DSPP: variants seen among roughly 807,000 people sequenced by gnomAD.
DSPP encodes dentin sialophosphoprotein.
DSPP carries 28 observed loss-of-function variants against 29.1 expected under a neutral mutation model. The observed-to-expected ratio is 0.96, with a 90% confidence interval of 0.71 to 1.32. The LOEUF (loss-of-function observed/expected upper bound fraction) is 1.32, where lower values mean the gene tolerates loss of function less well. Among genes scored for constraint, DSPP ranks in the 40% most tolerant of loss-of-function variants. The pLI is 0.00. For missense variants in DSPP, 1,281 were observed against 1,629.9 expected (o/e 0.79, Z 3.69); for synonymous variants, 481 against 503.4 (o/e 0.96, Z 0.60).
chr4:87,616,743 C>T lies in DSPP; in HGVS notation c.*175C>T. On this transcript the variant is annotated 3_prime_UTR_variant, in exon 5 of 5. Coordinates refer to ENST00000651931, the MANE Select transcript of DSPP (RefSeq NM_014208.3). ...ATTCAGAACCAAGACCTAACTCCTG[C>T]AGAGACAGACTCTGAATGCATGACC... The T allele has an allele frequency of 1.0e-6, 1 of 974,266 alleles. No individual in the cohort carries two copies. The highest frequency in any genetic ancestry group is 1.5e-6 in the Non-Finnish European group (1 of 658,084). The allele number at this position is 974,266 out of a possible 1,614,324, so 60.4% of individuals were successfully genotyped here. A position where few individuals can be genotyped will look rare whatever the true frequency, so the allele number is the denominator to read the frequency against.
At position 87,615,781 on chromosome 4, in the gene DSPP, G is replaced by A; in HGVS notation, c.3119G>A (p.Ser1040Asn). Residue 1040 changes from serine (S) to asparagine (N), a missense_variant, in exon 5 of 5, where the codon AGC (serine) becomes AAC (asparagine). Ser to Asn is a conservative substitution (Grantham distance 46). Around this residue, in one of 4 missense-constraint regions of DSPP, gnomAD observed 72 missense variants for 190.3 expected, o/e 0.38. Transcript: ENST00000651931. ...SSDSSDSSDSSDSSDSSDSSD... is the reference protein window; with the variant it reads ...SSDSSDSSDSNDSSDSSDSSD... ...GACAGCAGCGATAGCAGTGACAGCAGCGATAGCAGTGACAGCAGCGATAGC... is the reference window on the plus strand; with the variant it reads ...GACAGCAGCGATAGCAGTGACAGCAACGATAGCAGTGACAGCAGCGATAGC... The A allele has an allele frequency of 6.7e-7, 1 of 1,488,134 alleles. No homozygotes were observed. Among genetic ancestry groups the A allele is most frequent in the Non-Finnish European group, 9.0e-7 (1 of 1,111,618 alleles). 92.2% of individuals were successfully genotyped at this position (1,488,134 alleles called of 1,614,324 possible).
rs1727891755 is a variant in DSPP at position 87,615,793 on chromosome 4, ACAGCAGCGATAGCAGTG to A, written c.3132_3148del (p.Asp1044GlufsTer4). 2 of 1,540,864 alleles carry A rather than the reference ACAGCAGCGATAGCAGTG, an allele frequency of 1.3e-6. No homozygotes were observed. Among genetic ancestry groups the A allele is most frequent in the African/African-American group, 2.8e-5 (2 of 72,298 alleles). ...AGCAGTGACAGCAGCGATAGCAGTG[ACAGCAGCGATAGCAGTG>A]ACAGCAGTGACAGCAGCAATAGCAG... On this transcript the variant is annotated frameshift_variant, in exon 5 of 5. Transcript: ENST00000651931. LOFTEE classifies it low-confidence loss of function (END_TRUNC).
In DSPP at chr4:87,612,333, T is replaced by C. The variant is rs1488225828; in HGVS notation, c.147T>C (p.Asn49=). ...RSNVSVQDEL[N]ASGTIKESGV... ...TGTTTCTTTTTCAGGATGAGTTAAA[T>C]GCCAGTGGAACCATCAAAGAAAGTG... Residue 49 remains asparagine, a synonymous_variant, in exon 4 of 5, where the codon AAT becomes AAC. Coordinates refer to ENST00000651931, the MANE Select transcript of DSPP (RefSeq NM_014208.3). The C allele has an allele frequency of 4.3e-6, 7 of 1,614,114 alleles. No homozygotes were observed. Among genetic ancestry groups the C allele is most frequent in the Non-Finnish European group, 5.9e-6 (7 of 1,179,986 alleles).
rs922580184 is a variant in DSPP at position 87,614,330 on chromosome 4, T to C, written c.1668T>C (p.Asp556=). 3.7e-6 allele frequency: 6 copies of C among 1,609,014 alleles called. No homozygotes were observed. The highest frequency in any genetic ancestry group is 5.1e-6 in the Non-Finnish European group (6 of 1,177,272). The change falls in exon 5 of 5, where the codon GAT becomes GAC. Residue 556 remains aspartate (D), a synonymous_variant. Transcript: ENST00000651931. ...ATAGCAGTGACAGTGATAGTAGTGATAGCAGCAATAGCAGTGATAGTAGTG... is the reference window on the plus strand; with the variant it reads ...ATAGCAGTGACAGTGATAGTAGTGACAGCAGCAATAGCAGTGATAGTAGTG... ...KSDSSDSDSS[D]SSNSSDSSDS... is the part of the protein sequence containing the mutation.
rs185994525 is a variant in DSPP at position 87,610,052 on chromosome 4, G to T, written c.-28-829G>T. ...TATTTATCAACAACATTCAGAAAAC[G>T]TTTTTTTCTGTGCTTTGCATTGGAA... On this transcript the variant is annotated intron_variant, in intron 1 of 4. Transcript: ENST00000651931. Among the ~76,000 whole-genome samples, 524 of 152,186 alleles carry T rather than the reference G, an allele frequency of 3.4e-3. 13 individuals carry two copies. The highest frequency in any genetic ancestry group is 9.7e-4 in the East Asian group (5 of 5,180).
At position 87,610,879 on chromosome 4, in the gene DSPP, A is replaced by G. The variant is rs1246214807; in HGVS notation, c.-28-2A>G. On this transcript the variant is annotated splice_acceptor_variant, in intron 1 of 4. Coordinates refer to ENST00000651931, the MANE Select transcript of DSPP (RefSeq NM_014208.3). LOFTEE classifies it low-confidence loss of function (5UTR_SPLICE). ...ATTTTGTGCTGTTCCTTTTTTATAC[A>G]GCCATTGATTATTATTATTCCTAAA... 1 of 1,583,796 alleles carries G rather than the reference A, an allele frequency of 6.3e-7. No individual in the cohort carries two copies. The highest frequency in any genetic ancestry group is 8.7e-7 in the Non-Finnish European group (1 of 1,152,524).
In DSPP at chr4:87,616,188, GACAGCAGCAATAGCAGTGAT is replaced by G; in HGVS notation, c.3528_3547del (p.Asp1176GlufsTer6). 1.6e-5 allele frequency: 25 copies of G among 1,547,476 alleles called. 3 individuals are homozygous for G. The highest frequency in any genetic ancestry group is 2.1e-5 in the Non-Finnish European group (24 of 1,145,130). On this transcript the variant is annotated frameshift_variant, in exon 5 of 5. Transcript: ENST00000651931. LOFTEE classifies it low-confidence loss of function (END_TRUNC). Reference sequence around the variant, plus strand: ...CAGCAGCGACAGCAGCGATAGCAGTGACAGCAGCAATAGCAGTGATAGCAGCGACAGCAGTGATAGCAGTG... The same window carrying G: ...CAGCAGCGACAGCAGCGATAGCAGTGAGCAGCGACAGCAGTGATAGCAGTG...
Position 87,614,186 on chromosome 4 carries a change from A to C in DSPP, c.1524A>C (p.Lys508Asn). 1 of 1,614,272 alleles carries C rather than the reference A, an allele frequency of 6.2e-7. No individual in the cohort carries two copies. Among genetic ancestry groups the C allele is most frequent in the East Asian group, 2.2e-5 (1 of 44,892 alleles). ...SKDNGNGSDS[K>N]GAEDDDSDST... is the part of the protein sequence containing the mutation. Reference sequence around the variant, plus strand: ...ATAATGGCAATGGCAGTGACTCAAAAGGAGCAGAAGATGATGACAGTGATA... The same window carrying C: ...ATAATGGCAATGGCAGTGACTCAAACGGAGCAGAAGATGATGACAGTGATA... The change falls in exon 5 of 5, where the codon AAA becomes AAC. Residue 508 changes from lysine to asparagine, a missense_variant. Lys to Asn is a moderately conservative substitution (Grantham distance 94). Transcript: ENST00000651931.
rs957297049 is a variant in DSPP at position 87,616,290 on chromosome 4, A to G, written c.3628A>G (p.Ser1210Gly). The G allele has an allele frequency of 3.0e-5, 41 of 1,379,842 alleles. No individual in the cohort carries two copies. The Admixed American group carries it at 7.7e-4, about 26-fold the overall frequency. The allele number at this position is 1,379,842 out of a possible 1,614,324, so 85.5% of individuals were successfully genotyped here. Residue 1210 changes from serine (S) to glycine (G), a missense_variant, in exon 5 of 5, where the codon AGC (serine) becomes GGC (glycine). Around this residue, in one of 4 missense-constraint regions of DSPP, gnomAD observed 134 missense variants for 185.0 expected, o/e 0.72. Coordinates refer to ENST00000651931, the MANE Select transcript of DSPP (RefSeq NM_014208.3). Reference protein sequence around the residue: ...DSSDSSDSSDSSDSSDSSDSS... With the variant: ...DSSDSSDSSDGSDSSDSSDSS... ...CAGCGATAGTAGTGATAGCAGTGAC[A>G]GCAGTGACAGCAGCGACAGCAGTGA... is the stretch of plus-strand genomic sequence containing the variant.
At position 87,614,297 on chromosome 4, in the gene DSPP, T is replaced by A; in HGVS notation, c.1635T>A (p.Gly545=). ...ATGACAAATCAGACAGTGGCAAAGG[T>A]AAATCAGATAGCAGTGACAGTGATA... is the stretch of plus-strand genomic sequence containing the variant. ...DDNDKSDSGK[G]KSDSSDSDSS... The change falls in exon 5 of 5, where the codon GGT becomes GGA. Residue 545 remains glycine, a synonymous_variant. Transcript: ENST00000651931. 1 of 1,613,828 alleles carries A rather than the reference T, an allele frequency of 6.2e-7. No homozygotes were observed. The highest frequency in any genetic ancestry group is 1.1e-5 in the South Asian group (1 of 91,052).
chr4:87,613,802 T>A lies in DSPP; in HGVS notation c.1140T>A (p.Gly380=), dbSNP rs775040962. 6.2e-7 allele frequency: 1 copy of A among 1,614,014 alleles called. No homozygotes were observed. The highest frequency in any genetic ancestry group is 1.7e-5 in the Admixed American group (1 of 60,008). The part of the protein sequence containing the change: ...KSQDKGIEIK[G]PSSGNRNITK... ...TTCCATAGGGAATAGAAATCAAGGG[T>A]CCCAGCAGTGGCAACAGAAATATTA... Residue 380 remains glycine, a synonymous_variant, in exon 5 of 5, where the codon GGT becomes GGA. Transcript: ENST00000651931.
At position 87,612,446 on chromosome 4, in the gene DSPP, AAGT is replaced by A; in HGVS notation, c.263_265del (p.Val88del). On this transcript the variant is annotated inframe_deletion, in exon 4 of 5. Transcript: ENST00000651931. Reference sequence around the variant, plus strand: ...GAAGGGAATGGCTCTAAGTGGGCAGAAGTAGGAGGGAAGAGTTTTTCTACATAT... The same window carrying A: ...GAAGGGAATGGCTCTAAGTGGGCAGAAGGAGGGAAGAGTTTTTCTACATAT... 1 of 1,614,022 alleles carries A rather than the reference AAGT, an allele frequency of 6.2e-7. No homozygotes were observed.
In DSPP at chr4:87,614,371, A is replaced by G. The variant is rs367990493; in HGVS notation, c.1709A>G (p.Asp570Gly). ...SSDSSDSSDS[D>G]SSDSNSSSDS... ...GATAGTAGTGACAGCAGTGACAGTGACAGCAGTGATAGCAACAGTAGCAGT... is the reference window on the plus strand; with the variant it reads ...GATAGTAGTGACAGCAGTGACAGTGGCAGCAGTGATAGCAACAGTAGCAGT... Residue 570 changes from aspartate to glycine, a missense_variant, in exon 5 of 5, where the codon GAC (aspartate) becomes GGC (glycine). Around this residue, in one of 4 missense-constraint regions of DSPP, gnomAD observed 444 missense variants for 611.4 expected, o/e 0.73. Transcript: ENST00000651931. 5 of 1,590,058 alleles carry G rather than the reference A, an allele frequency of 3.1e-6. No individual in the cohort carries two copies. Among genetic ancestry groups the G allele is most frequent in the Non-Finnish European group, 4.3e-6 (5 of 1,168,310 alleles).
Position 87,616,482 on chromosome 4 carries a change from A to T in DSPP, c.3820A>T (p.Lys1274Ter). The change falls in exon 5 of 5, where the codon AAG becomes TAG. Residue 1274 changes from lysine to a stop codon, truncating the protein, a stop_gained. Transcript: ENST00000651931. LOFTEE classifies it high-confidence loss of function. ...CAATGATGAGAGTGACAGCCAGAGCAAGTCTGGTAACGGTAACAACAATGG... is the reference window on the plus strand; with the variant it reads ...CAATGATGAGAGTGACAGCCAGAGCTAGTCTGGTAACGGTAACAACAATGG... Reference protein sequence around the residue: ...DSNDESDSQSKSGNGNNNGSD... With the variant: ...DSNDESDSQS The T allele has an allele frequency of 6.4e-7, 1 of 1,551,798 alleles. No individual in the cohort carries two copies. Among genetic ancestry groups the T allele is most frequent in the Non-Finnish European group, 8.7e-7 (1 of 1,147,002 alleles).
chr4:87,610,186 C>T (rs749339280), intron 1 of DSPP, among the ~76,000 whole-genome samples: 6 of 152,104 alleles, frequency 3.9e-5, no homozygotes, highest in Non-Finnish European at 7.4e-5. Context: ...ACCAGTGAGA[C>T]GTGCAAACTT....
chr4:87,613,643 A>G, intron 4 of DSPP, 142 bp from the exon 5 acceptor site: 1 of 1,256,428 alleles, frequency 8.0e-7, no homozygotes, highest in Non-Finnish European at 1.1e-6. Flanking sequence ...AGAATAAAGC[A>G]CATTTTCACA....
At position 87,615,200 on chromosome 4, in the gene DSPP, TAGC is replaced by T. The variant is rs1244054329; in HGVS notation, c.2541_2543del (p.Ser848del). On this transcript the variant is annotated inframe_deletion, in exon 5 of 5. Transcript: ENST00000651931. ...GCAGTGATAGCAGCGACAGCAGCGA[TAGC>T]AGTGACGGCAGTGATAGCGACAGCA... is the stretch of plus-strand genomic sequence containing the variant. 5.3e-6 allele frequency: 8 copies of T among 1,509,070 alleles called. No individual in the cohort carries two copies. Among genetic ancestry groups the T allele is most frequent in the African/African-American group, 1.4e-5 (1 of 71,144 alleles). The allele number at this position is 1,509,070 out of a possible 1,614,324, so 93.5% of individuals were successfully genotyped here. A position where few individuals can be genotyped will look rare whatever the true frequency, so the allele number is the denominator to read the frequency against.
intron 1 of DSPP, among the ~76,000 whole-genome samples, chr4:87,609,379 G>A (rs954852349): frequency 2.6e-5 from 4 of 152,136 alleles, no homozygotes; most frequent in Non-Finnish European, 4.4e-5. Flanking sequence ...CAGTGCAGAC[G>A]GGCCTTCTGC....
intron 1 of DSPP, among the ~76,000 whole-genome samples, chr4:87,610,005 A>G (rs1397895078): frequency 6.6e-6 from 1 of 152,218 alleles, no homozygotes; most frequent in African/African-American, 2.4e-5. Context: ...AAGCAATGCT[A>G]GATATTGCTG....
Sources: allele counts gnomAD v4.1 joint callset (sites outside exome capture counted in the v4.1 genomes callset), GRCh38; gene constraint gnomAD v4.1.1; regional missense constraint gnomAD v4.1.1; transcripts MANE v1.5; gene names NCBI Gene and HGNC (gene_info 2026-07-23, HGNC 2026-07-21).